Variants in ACTR3B observed in about 807,000 individuals in gnomAD.
ACTR3B encodes the protein actin-related protein 3B.
Under a neutral mutation model 59.0 loss-of-function variants are expected in ACTR3B, and 8 were observed. The observed-to-expected ratio is 0.14, with a 90% confidence interval of 0.08 to 0.24. The LOEUF is 0.24. Ranked by LOEUF, ACTR3B falls within the 10% of genes least tolerant of loss-of-function variation. The pLI is 1.00. For synonymous variants in ACTR3B, 148 were observed against 197.9 expected, an observed-to-expected ratio of 0.75 and a Z score of 2.12; for missense variants, 245 against 552.3, an observed-to-expected ratio of 0.44 and a Z score of 5.58.
Position 152,759,792 on chromosome 7 carries a change from G to C in ACTR3B, c.-91G>C, listed in dbSNP as rs2117081921. On this transcript the variant is annotated 5_prime_UTR_variant, in exon 1 of 12. Transcript: ENST00000256001. ...AGCGGCGCTGCGGCGGCTCGCGGGA[G>C]ACGCTGCGCGCGGGGCTAGCGGGCG... 9.6e-7 allele frequency: 1 copy of C among 1,038,334 alleles called. No homozygotes were observed. Among genetic ancestry groups the C allele is most frequent in the Non-Finnish European group, 1.2e-6 (1 of 842,532 alleles). 64.3% of individuals were successfully genotyped at this position (1,038,334 alleles called of 1,614,324 possible).
chr7:152,775,768 A>G (rs1240348095), intron 1 of ACTR3B, among the ~76,000 whole-genome samples: 2 of 152,128 alleles, frequency 1.3e-5, no homozygotes, highest in Non-Finnish European at 2.9e-5. Flanking sequence ...TCAAAAAAAA[A>G]AAAAATTGGG....
At chr7:152,802,106 T>G (rs564244162) in intron 4 of ACTR3B, among the ~76,000 whole-genome samples, 2 of 152,024 alleles carry the variant, frequency 1.3e-5, no homozygotes, top group South Asian at 4.2e-4. Flanking sequence ...CCCTTGCACT[T>G]TTTAAGAATT....
At chr7:152,827,729 C>T (rs1441347373) in intron 9 of ACTR3B, among the ~76,000 whole-genome samples, 3 of 152,122 alleles carry the variant, frequency 2.0e-5, no homozygotes, top group African/African-American at 7.2e-5. Context: ...GCACTGGAAG[C>T]GGGAGGGTGA....
chr7:152,775,524 C>G (rs1435232339), intron 1 of ACTR3B, among the ~76,000 whole-genome samples: 2 of 152,080 alleles, frequency 1.3e-5, no homozygotes, highest in Non-Finnish European at 2.9e-5. Context: ...CTTTGGGAGG[C>G]CGAGGCGGGC....
rs370192882 is a variant in ACTR3B at position 152,844,126 on chromosome 7, C to T, written c.952-8000C>T. 3.1e-3 allele frequency among the ~76,000 whole-genome samples: 475 copies of T among 152,258 alleles called. 2 individuals carry two copies. Among genetic ancestry groups the T allele is most frequent in the African/African-American group, 0.01 (426 of 41,564 alleles). On this transcript the variant is annotated intron_variant, in intron 9 of 11. Transcript: ENST00000256001. Reference sequence around the variant, plus strand: ...AGGTTGGAGTGTAATGGTGCCATCTCGGCTCACTGCAACCTCCGCCTCCCA... The same window carrying T: ...AGGTTGGAGTGTAATGGTGCCATCTTGGCTCACTGCAACCTCCGCCTCCCA...
chr7:152,774,045 C>T (rs184202082), intron 1 of ACTR3B, among the ~76,000 whole-genome samples: 25 of 152,310 alleles, frequency 1.6e-4, no homozygotes, highest in Non-Finnish European at 2.8e-4. Flanking sequence ...AAGTCAGGCA[C>T]GATGGGTCCT....
Position 152,829,044 on chromosome 7 carries a change from G to A in ACTR3B, c.951+3922G>A, listed in dbSNP as rs949945426. On this transcript the variant is annotated intron_variant, in intron 9 of 11. Coordinates refer to ENST00000256001, the MANE Select transcript of ACTR3B (RefSeq NM_020445.6). ...TGACAAGTAAAAATTGTGTGTGTGT[G>A]TATATATATATATACACACACACAC... Among the ~76,000 whole-genome samples the A allele has an allele frequency of 5.8e-3, 838 of 143,874 alleles. 4 individuals are homozygous for A. Among genetic ancestry groups the A allele is most frequent in the African/African-American group, 0.012 (438 of 35,486 alleles). 94.4% of individuals were successfully genotyped at this position (143,874 alleles called of 152,430 possible).
At position 152,852,345 on chromosome 7, in the gene ACTR3B, C is replaced by T. The variant is rs1014341452; in HGVS notation, c.1077+94C>T. The T allele has an allele frequency of 6.2e-6, 9 of 1,441,814 alleles. 1 individual carries two copies. The highest frequency in any genetic ancestry group is 4.6e-6 in the Non-Finnish European group (5 of 1,084,020). The allele number at this position is 1,441,814 out of a possible 1,614,324, so 89.3% of individuals were successfully genotyped here. ...ACAGAGCCGAAGGAGCTTGTCTGGG[C>T]CGCGTAAAATAAAAACAAGTGTTCA... On this transcript the variant is annotated intron_variant, in intron 10 of 11. Transcript: ENST00000256001.
intron 1 of ACTR3B, among the ~76,000 whole-genome samples, chr7:152,772,390 T>C (rs1354680168): frequency 1.3e-5 from 2 of 151,166 alleles, no homozygotes; most frequent in East Asian, 2.0e-4. Context: ...CCAGGTGTGG[T>C]GATGCGTGCC....
intron 6 of ACTR3B, among the ~76,000 whole-genome samples, chr7:152,819,502 C>T (rs1392087354): frequency 3.3e-5 from 5 of 152,232 alleles, no homozygotes; most frequent in Admixed American, 3.3e-4. Context: ...GCCTGTGGCT[C>T]CTGTGGCAGG....
intron 2 of ACTR3B, among the ~76,000 whole-genome samples, chr7:152,788,052 G>A (rs2098180370): frequency 6.6e-6 from 1 of 151,990 alleles, no homozygotes; most frequent in East Asian, 1.9e-4. Context: ...AGCCTCCCGA[G>A]TAGCTGGAAT....
At chr7:152,819,022 A>G (rs148124852) in intron 6 of ACTR3B, among the ~76,000 whole-genome samples, 4,493 of 152,378 alleles carry the variant, frequency 0.029, 96 homozygotes, top group Middle Eastern at 0.099. Context: ...TTTATTTAAC[A>G]GTATTTTAGA....
rs1038548284 is a variant in ACTR3B, at chr7:152,759,770, G to A, written c.-113G>A. 2.3e-6 allele frequency: 2 copies of A among 856,830 alleles called. 1 individual carries two copies. Among genetic ancestry groups the A allele is most frequent in the South Asian group, 1.1e-4 (2 of 18,870 alleles). 53.1% of individuals were successfully genotyped at this position (856,830 alleles called of 1,614,324 possible). A position where few individuals can be genotyped will look rare whatever the true frequency, so the allele number is the denominator to read the frequency against. ...GCCGAGCATCCGGGCTCCCGGCAGC[G>A]GCGCTGCGGCGGCTCGCGGGAGACG... On this transcript the variant is annotated 5_prime_UTR_variant, in exon 1 of 12. Coordinates refer to ENST00000256001, the MANE Select transcript of ACTR3B (RefSeq NM_020445.6).
chr7:152,823,049 A>T (rs1325839896), intron 7 of ACTR3B, among the ~76,000 whole-genome samples: 1 of 152,190 alleles, frequency 6.6e-6, no homozygotes, highest in Non-Finnish European at 1.5e-5. Flanking sequence ...TGCTTTCTAG[A>T]CACCTGTAGA....
At chr7:152,799,591 T>A (rs1298282716) in intron 2 of ACTR3B, among the ~76,000 whole-genome samples, 1 of 152,224 alleles carries the variant, frequency 6.6e-6, no homozygotes, top group Non-Finnish European at 1.5e-5. Flanking sequence ...TGTCAAGGAA[T>A]CTATAGTTTG....
chr7:152,837,596 C>A (rs944753634), intron 9 of ACTR3B, among the ~76,000 whole-genome samples: 1 of 152,250 alleles, frequency 6.6e-6, no homozygotes, highest in South Asian at 2.1e-4. Context: ...CTCCTGATCC[C>A]GCCCCTCAGC....
intron 9 of ACTR3B, among the ~76,000 whole-genome samples, chr7:152,847,083 G>A (rs150606026): frequency 2.7e-3 from 414 of 150,612 alleles, no homozygotes; most frequent in African/African-American, 9.6e-3. Flanking sequence ...CCAGTGTCCG[G>A]GCTGTAGTCT....
At chr7:152,835,888 C>T (rs1469467333) in intron 9 of ACTR3B, among the ~76,000 whole-genome samples, 4 of 151,652 alleles carry the variant, frequency 2.6e-5, no homozygotes, top group Admixed American at 6.6e-5. Flanking sequence ...ATTGCTGACC[C>T]GTGGTGCTTA....
chr7:152,777,750 A>C lies in ACTR3B; in HGVS notation c.45-5437A>C, dbSNP rs530804022. ...TGGATCGCCTGAGGCCAGGAGTTTG[A>C]GACCAGCCTGGCCAACGTGGTGAAA... is the stretch of plus-strand genomic sequence containing the variant. On this transcript the variant is annotated intron_variant, in intron 1 of 11. Transcript: ENST00000256001. Among the ~76,000 whole-genome samples the C allele has an allele frequency of 1.5e-4, 23 of 152,306 alleles. No individual in the cohort carries two copies. In the East Asian group the frequency reaches 4.1e-3, roughly 27 times the overall value.
Sources: gnomAD v4.1 joint callset for allele counts (sites outside exome capture counted in the v4.1 genomes callset) on GRCh38, gnomAD v4.1.1 for gene constraint, MANE v1.5 for transcripts, NCBI Gene and HGNC (gene_info 2026-07-23, HGNC 2026-07-21) for gene names.